The following EED variants were observed in gnomAD, a reference collection of about 807,000 sequenced individuals.
The protein encoded by EED is polycomb protein EED.
EED carries 9 observed loss-of-function variants against 61.0 expected under a neutral mutation model. That is an observed-to-expected ratio of 0.15 (90% CI 0.09 to 0.26). The LOEUF (loss-of-function observed/expected upper bound fraction) is 0.26, where lower values mean the gene tolerates loss of function less well. Among genes scored for constraint, EED ranks in the 10% least tolerant of loss-of-function variants. EED has a pLI of 1.00. For missense variants in EED, 315 were observed against 542.3 expected, an observed-to-expected ratio of 0.58 and a Z score of 4.16; for synonymous variants, 187 against 174.4, an observed-to-expected ratio of 1.07 and a Z score of -0.57.
At position 86,246,218 on chromosome 11, in the gene EED, T is replaced by G. The variant is rs2138117914; in HGVS notation, c.114+875T>G. Among the ~76,000 whole-genome samples the G allele has an allele frequency of 2.0e-5, 3 of 152,300 alleles. No individual in the cohort carries two copies. In the South Asian group the frequency reaches 6.2e-4, roughly 32 times the overall value. On this transcript the variant is annotated intron_variant, in intron 1 of 11. Transcript: ENST00000263360. Reference sequence around the variant, plus strand: ...TAAGAGCCGAATTGACATAAATAAGTTTTCAGTTTCATGTTTTAGGTTGAT... The same window carrying G: ...TAAGAGCCGAATTGACATAAATAAGGTTTCAGTTTCATGTTTTAGGTTGAT...
At chr11:86,269,946 C>T in intron 9 of EED, 2 of 553,550 alleles carry the variant, frequency 3.6e-6, no homozygotes, top group South Asian at 2.4e-5. Context: ...GCAAATAAAG[C>T]TGCTAATCAG....
At position 86,252,014 on chromosome 11, in the gene EED, C is replaced by G. The variant is rs77020407; in HGVS notation, c.268-134C>G. On this transcript the variant is annotated intron_variant, in intron 2 of 11. Transcript: ENST00000263360. Reference sequence around the variant, plus strand: ...AGTAGACATCTTTTAATTTTAGTGTCAAAAGTTAGCTTATGTATGATACAC... The same window carrying G: ...AGTAGACATCTTTTAATTTTAGTGTGAAAAGTTAGCTTATGTATGATACAC... The G allele has an allele frequency of 1.7e-4, 88 of 512,758 alleles. 1 individual carries two copies. The highest frequency in any genetic ancestry group is 1.6e-3 in the African/African-American group (81 of 52,234). 31.8% of individuals were successfully genotyped at this position (512,758 alleles called of 1,614,324 possible). A position where few individuals can be genotyped will look rare whatever the true frequency, so the allele number is the denominator to read the frequency against.
chr11:86,257,610 A>C lies in EED; in HGVS notation c.634+14A>C. On this transcript the variant is annotated intron_variant, in intron 6 of 11. Transcript: ENST00000263360. ...CAGTAAGTAAAGGTAAGTGAAGCAA[A>C]TGTTTCTTGAGTCTGTGCAATTTGT... The C allele has an allele frequency of 6.3e-7, 1 of 1,598,056 alleles. No individual in the cohort carries two copies. Among genetic ancestry groups the C allele is most frequent in the South Asian group, 1.1e-5 (1 of 88,508 alleles).
chr11:86,279,163 TTCTACAGAGTTAGAACC>T (rs1565707619), downstream of EED, among the ~76,000 whole-genome samples: 2 of 152,260 alleles, frequency 1.3e-5, no homozygotes, highest in African/African-American at 2.4e-5. Context: ...ATATTTAAAA[TTCTACAGAGTTAGAACC>T]TCTGATAATG....
At chr11:86,249,982 G>A (rs1945488674) in intron 1 of EED, among the ~76,000 whole-genome samples, 2 of 152,312 alleles carry the variant, frequency 1.3e-5, no homozygotes, top group South Asian at 4.1e-4. Flanking sequence ...CTTTTGTAAA[G>A]AGCTGTAAAG....
chr11:86,284,798 G>C, the EED span: 1 of 152,230 alleles, frequency 6.6e-6, no homozygotes, highest in Non-Finnish European at 1.5e-5. Context: ...AATATCCAGG[G>C]CCCAGTGCAA....
At chr11:86,266,045 G>A (rs1234613432) in intron 7 of EED, 38 bp from the exon 8 acceptor site, 2 of 1,526,794 alleles carry the variant, frequency 1.3e-6, no homozygotes, top group East Asian at 2.3e-5. Context: ...ATAATTTGGA[G>A]CTGTAATTTA....
chr11:86,284,395 G>A, the EED span: 3 of 152,246 alleles, frequency 2.0e-5, no homozygotes, highest in Non-Finnish European at 2.9e-5. Flanking sequence ...TCTCCACATA[G>A]TGGCACATCA....
chr11:86,265,492 T>G (rs939935670), intron 7 of EED: 1 of 152,182 alleles, frequency 6.6e-6, no homozygotes, highest in Admixed American at 6.5e-5. Flanking sequence ...AATGAGGTTG[T>G]TACAATAGAT....
chr11:86,244,962 CGG>C lies in EED; in HGVS notation c.-266_-265del. 26 of 392,634 alleles carry C rather than the reference CGG, an allele frequency of 6.6e-5. No individual in the cohort carries two copies. The highest frequency in any genetic ancestry group is 1.5e-4 in the South Asian group (4 of 26,722). 24.3% of individuals were successfully genotyped at this position (392,634 alleles called of 1,614,324 possible). A position where few individuals can be genotyped will look rare whatever the true frequency, so the allele number is the denominator to read the frequency against. On this transcript the variant is annotated 5_prime_UTR_variant, in exon 1 of 12. Transcript: ENST00000263360. ...ATCGTGTAGACTGCCGGGAGGGCGG[CGG>C]GAAAAGGGCAAGACGGGAGTTGGGG...
At chr11:86,255,199 T>C (rs753111377) in intron 3 of EED, 23 bp from the exon 4 acceptor site, 4 of 1,571,982 alleles carry the variant, frequency 2.5e-6, no homozygotes, top group Non-Finnish European at 3.5e-6. Context: ...AGATGAAATT[T>C]ACTGTATTTT....
chr11:86,246,825 C>A (rs1945403044), intron 1 of EED, among the ~76,000 whole-genome samples: 2 of 152,136 alleles, frequency 1.3e-5, no homozygotes, highest in South Asian at 4.1e-4. Context: ...TGACCTCGAG[C>A]AAGAGACTGA....
At chr11:86,259,147 C>T (rs1026582210) in intron 6 of EED, among the ~76,000 whole-genome samples, 2 of 150,360 alleles carry the variant, frequency 1.3e-5, no homozygotes, top group African/African-American at 2.4e-5. Context: ...GGATTATAGG[C>T]GTGAGCCACT....
intron 5 of EED, among the ~76,000 whole-genome samples, chr11:86,256,913 C>A (rs1945689276): frequency 6.6e-6 from 1 of 152,154 alleles, no homozygotes; most frequent in Admixed American, 6.5e-5. Context: ...TTTTTCAAAT[C>A]ACTTTCATCA....
At chr11:86,252,276 AT>A (rs774806206) in intron 3 of EED, 36 bp downstream of exon 3, 1 of 1,429,712 alleles carries the variant, frequency 7.0e-7, no homozygotes, top group Non-Finnish European at 9.7e-7. Context: ...ATTTGGCTTG[AT>A]TTCCAGATCT....
At chr11:86,287,569 A>AGT in the EED span, among the ~76,000 whole-genome samples, 10 of 152,198 alleles carry the variant, frequency 6.6e-5, no homozygotes, top group African/African-American at 2.4e-4. Context: ...GAGTGAGGGA[A>AGT]GTGTGTGTGT....
At position 86,245,409 on chromosome 11, in the gene EED, G is replaced by C. The variant is rs1460298698; in HGVS notation, c.114+66G>C. The C allele has an allele frequency of 2.2e-6, 3 of 1,370,926 alleles. No individual in the cohort carries two copies. The African/African-American group carries it at 4.4e-5, about 20-fold the overall frequency. The allele number at this position is 1,370,926 out of a possible 1,614,324, so 84.9% of individuals were successfully genotyped here. On this transcript the variant is annotated intron_variant, in intron 1 of 11. Coordinates refer to ENST00000263360, the MANE Select transcript of EED (RefSeq NM_003797.5). ...AGTTTTAAATTCTTTTAAAACGGGG[G>C]GCGCGGGGACGAGCGGGCTGCTGTG...
At chr11:86,276,225 A>C (rs934640226) in intron 9 of EED, 1 of 152,194 alleles carries the variant, frequency 6.6e-6, no homozygotes, top group Non-Finnish European at 1.5e-5. Flanking sequence ...AATAGTGCCC[A>C]CAGTTTTGCA....
In EED at chr11:86,255,151, A is replaced by G. The variant is rs1251773466; in HGVS notation, c.361-71A>G. 5.8e-6 allele frequency: 7 copies of G among 1,209,322 alleles called. No homozygotes were observed. The African/African-American group carries it at 7.5e-5, about 13-fold the overall frequency. 74.9% of individuals were successfully genotyped at this position (1,209,322 alleles called of 1,614,324 possible). A position where few individuals can be genotyped will look rare whatever the true frequency, so the allele number is the denominator to read the frequency against. On this transcript the variant is annotated intron_variant, in intron 3 of 11. Coordinates refer to ENST00000263360, the MANE Select transcript of EED (RefSeq NM_003797.5). ...TTTAAGATAGGATTGCGATTAAAAT[A>G]TGTTTAAAAGTTGGAGAGAGTATGT...
Sources: gnomAD v4.1 joint callset for allele counts (sites outside exome capture counted in the v4.1 genomes callset) on GRCh38, gnomAD v4.1.1 for gene constraint, MANE v1.5 for transcripts, NCBI Gene and HGNC (gene_info 2026-07-23, HGNC 2026-07-21) for gene names.